The following KCTD1 variants were observed in gnomAD, a reference collection of about 807,000 sequenced individuals.
KCTD1 encodes the protein potassium channel tetramerization domain containing 1, also known as BTB/POZ domain-containing protein KCTD1.
A neutral mutation model predicts 66.0 loss-of-function variants in KCTD1; 24 were observed. The observed-to-expected ratio is 0.36, with a 90% CI of 0.26 to 0.51. The LOEUF is 0.51. Ranked by LOEUF, KCTD1 falls within the 20% of genes least tolerant of loss-of-function variation. The pLI, the probability that KCTD1 is intolerant of heterozygous loss-of-function variation, is 0.95. For missense variants in KCTD1, 943 were observed against 1,205.2 expected (o/e 0.78, Z 3.22); for synonymous variants, 511 against 517.2 (o/e 0.99, Z 0.16).
At chr18:26,597,948 C>G (rs867393850) in intron 1 of KCTD1, among the ~76,000 whole-genome samples, 1 of 152,224 alleles carries the variant, frequency 6.6e-6, no homozygotes, top group Non-Finnish European at 1.5e-5. Flanking sequence ...GCCACCGCAC[C>G]TGGCCCTTGG....
At chr18:26,562,987 G>A (rs760059568) in intron 1 of KCTD1, among the ~76,000 whole-genome samples, 7 of 152,118 alleles carry the variant, frequency 4.6e-5, no homozygotes, top group East Asian at 3.9e-4. Context: ...ACACAGTTCC[G>A]TCCGCAACAC....
chr18:26,536,147 C>T (rs1005347819), intron 1 of KCTD1, among the ~76,000 whole-genome samples: 1 of 152,068 alleles, frequency 6.6e-6, no homozygotes, highest in African/African-American at 2.4e-5. Flanking sequence ...CACAGTGTGG[C>T]CCCACAGACC....
intron 4 of KCTD1, chr18:26,456,483 A>G (rs920924898): frequency 2.4e-4 from 37 of 152,410 alleles, no homozygotes; most frequent in African/African-American, 8.7e-4. Context: ...TAGCAGAACA[A>G]AGGGATTACT....
In KCTD1 at chr18:26,535,620, C is replaced by A. The variant is rs111599291; in HGVS notation, c.1809+11108G>T. On this transcript the variant is annotated intron_variant, in intron 1 of 4. Coordinates refer to ENST00000580059, the MANE Select transcript of KCTD1 (RefSeq NM_001142730.3). ...GAGGCTCCAAAAACACAAAATCACACTAAGATTCATTCTGTTTTCAAAAGA... is the reference window on the plus strand; with the variant it reads ...GAGGCTCCAAAAACACAAAATCACAATAAGATTCATTCTGTTTTCAAAAGA... Among the ~76,000 whole-genome samples, 161 of 152,316 alleles carry A rather than the reference C, an allele frequency of 1.1e-3. 3 individuals are homozygous for A. Among genetic ancestry groups the A allele is most frequent in the African/African-American group, 3.5e-3 (144 of 41,584 alleles).
At chr18:26,655,476 C>T (rs1468187806) in intron 1 of KCTD1, among the ~76,000 whole-genome samples, 1 of 152,120 alleles carries the variant, frequency 6.6e-6, no homozygotes, top group Non-Finnish European at 1.5e-5. Flanking sequence ...ACACATACCG[C>T]ATAGTCAAGG....
At chr18:26,485,935 C>CTT (rs372930779) in intron 2 of KCTD1, among the ~76,000 whole-genome samples, 29 of 136,674 alleles carry the variant, frequency 2.1e-4, no homozygotes, top group Non-Finnish European at 3.5e-4. Flanking sequence ...TAATTTAATC[C>CTT]TTTTTTTTTT....
upstream of KCTD1, chr18:26,657,467 GAA>G (rs1988183847): frequency 1.2e-5 from 10 of 831,540 alleles, no homozygotes; most frequent in Non-Finnish European, 1.4e-5. Flanking sequence ...ACACCAGAGA[GAA>G]ATGCAATAGC....
At position 26,564,392 on chromosome 18, in the gene KCTD1, T is replaced by C. The variant is rs1985933357; in HGVS notation, c.-15-63142A>G. ...AATTCCCATCCATGTCACCAGCCTT[T>C]CTCCAAACAGCTCCCCTCTGCCTAG... is the stretch of plus-strand genomic sequence containing the variant. On this transcript the variant is annotated intron_variant, in intron 1 of 4. Coordinates refer to the KCTD1 transcript ENST00000317932. 2.0e-5 allele frequency among the ~76,000 whole-genome samples: 3 copies of C among 152,152 alleles called. No individual in the cohort carries two copies. In the South Asian group the frequency reaches 6.2e-4, roughly 31 times the overall value.
intron 1 of KCTD1, among the ~76,000 whole-genome samples, chr18:26,539,297 G>A (rs544134188): frequency 6.6e-6 from 1 of 152,214 alleles, no homozygotes; most frequent in South Asian, 2.1e-4. Flanking sequence ...ATTCCTGGAA[G>A]GGCTGCATGA....
chr18:26,499,240 C>A (rs777300053), intron 2 of KCTD1, among the ~76,000 whole-genome samples: 11 of 152,138 alleles, frequency 7.2e-5, no homozygotes, highest in Non-Finnish European at 1.6e-4. Context: ...GAATTAAATT[C>A]ATCTAAAGAG....
chr18:26,619,092 G>A (rs2145011971), intron 1 of KCTD1, among the ~76,000 whole-genome samples: 1 of 152,258 alleles, frequency 6.6e-6, no homozygotes. Flanking sequence ...CTAATTTTGA[G>A]TACTAGAAAA....
chr18:26,600,378 C>A (rs1487665230), intron 1 of KCTD1: 1 of 1,070,914 alleles, frequency 9.3e-7, no homozygotes, highest in Non-Finnish European at 1.4e-6. Context: ...GCTCCTCCAG[C>A]CAACTCCTGT....
At chr18:26,474,500 A>C (rs1164049756) in intron 3 of KCTD1, among the ~76,000 whole-genome samples, 1 of 152,214 alleles carries the variant, frequency 6.6e-6, no homozygotes, top group Non-Finnish European at 1.5e-5. Context: ...AATTTTTGCC[A>C]ATCTAATGGA....
chr18:26,583,902 GA>G (rs1301496606), intron 1 of KCTD1, among the ~76,000 whole-genome samples: 1 of 152,162 alleles, frequency 6.6e-6, no homozygotes, highest in Non-Finnish European at 1.5e-5. Flanking sequence ...TTAAGCACAG[GA>G]CAGCCACCCA....
chr18:26,469,786 T>C (rs1023716087), intron 3 of KCTD1, among the ~76,000 whole-genome samples: 4 of 152,192 alleles, frequency 2.6e-5, no homozygotes, highest in African/African-American at 9.7e-5. Context: ...TTTCAGTGAA[T>C]TAATACTAAG....
intron 1 of KCTD1, among the ~76,000 whole-genome samples, chr18:26,562,566 G>T (rs993433436): frequency 1.3e-5 from 2 of 152,192 alleles, no homozygotes; most frequent in Admixed American, 1.3e-4. Context: ...CCGGCCTCAA[G>T]ATTTGTTTTG....
intron 1 of KCTD1, among the ~76,000 whole-genome samples, chr18:26,537,513 A>G (rs1318918027): frequency 6.6e-6 from 1 of 151,796 alleles, no homozygotes; most frequent in African/African-American, 2.4e-5. Context: ...GTATCAAAAT[A>G]CCAACCAATT....
chr18:26,643,600 T>G (rs1987871847), upstream of KCTD1, among the ~76,000 whole-genome samples: 1 of 151,934 alleles, frequency 6.6e-6, no homozygotes, highest in African/African-American at 2.4e-5. Flanking sequence ...TTGGGAAGAG[T>G]AAAGAGATCT....
At chr18:26,466,089 A>T (rs1336992775) in intron 3 of KCTD1, among the ~76,000 whole-genome samples, 1 of 137,834 alleles carries the variant, frequency 7.3e-6, no homozygotes, top group Non-Finnish European at 1.6e-5. Context: ...GGGTGAAGAA[A>T]CTCTGGCGAG....
Sources: gnomAD v4.1 joint callset for allele counts (sites outside exome capture counted in the v4.1 genomes callset) on GRCh38, gnomAD v4.1.1 for gene constraint, MANE v1.5 for transcripts, NCBI Gene and HGNC (gene_info 2026-07-23, HGNC 2026-07-21) for gene names.